ZNF416: variants seen among roughly 807,000 people sequenced by gnomAD.
The protein encoded by ZNF416 is zinc finger protein 416.
In ZNF416, 5 loss-of-function variants were observed where a neutral mutation model predicts 10.9. The observed-to-expected ratio is 0.46, with a 90% CI of 0.24 to 0.97. The LOEUF is 0.97. Among genes scored for constraint, ZNF416 ranks in the 50% least tolerant of loss-of-function variants. ZNF416 has a pLI of 0.19. For synonymous variants in ZNF416, 267 were observed against 251.8 expected (o/e 1.06, Z -0.57); for missense variants, 675 against 715.0 (o/e 0.94, Z 0.64).
intron 2 of ZNF416, among the ~76,000 whole-genome samples, chr19:57,576,967 T>C (rs1978558450): frequency 1.3e-5 from 2 of 150,568 alleles, no homozygotes; most frequent in African/African-American, 4.9e-5. Context: ...CTCTCTCCCA[T>C]ACCTGTCTTT....
chr19:57,573,035 C>A lies in ZNF416; in HGVS notation c.869G>T (p.Arg290Ile), dbSNP rs1978366159. ...SQTSHLNDHR[R>I]IHTGERPYVC... ...ATAAGGCCTTTCTCCAGTGTGGATT[C>A]TCCGATGATCATTCAGATGAGAGGT... Residue 290 changes from arginine to isoleucine, a missense_variant, in exon 4 of 4, where the codon AGA (arginine) becomes ATA (isoleucine). Arg to Ile is a moderately conservative substitution (Grantham distance 97). Transcript: ENST00000196489. The A allele has an allele frequency of 1.7e-5, 27 of 1,614,162 alleles. No individual in the cohort carries two copies. The highest frequency in any genetic ancestry group is 2.2e-5 in the Non-Finnish European group (26 of 1,180,026).
At position 57,572,455 on chromosome 19, in the gene ZNF416, C is replaced by A; in HGVS notation, c.1449G>T (p.Arg483Ser). The change falls in exon 4 of 4, where the codon AGG becomes AGT. Residue 483 changes from arginine (R) to serine (S), a missense_variant. By Grantham distance (110) the Arg-to-Ser change is moderately radical. Coordinates refer to ENST00000196489, the MANE Select transcript of ZNF416 (RefSeq NM_017879.3). The surrounding 1 kb of genome is among the most constrained non-coding windows in gnomAD (Gnocchi z 4.5). The stretch of plus-strand genomic sequence containing the variant: ...TTTCTCCAGTGTGAGTTCTCTGGTG[C>A]CTAACAAGTTTAGATTTGAACATAA... ...KAFMFKSKLV[R>S]HQRTHTGERP... 1 of 1,612,390 alleles carries A rather than the reference C, an allele frequency of 6.2e-7. No homozygotes were observed. Among genetic ancestry groups the A allele is most frequent in the Non-Finnish European group, 8.5e-7 (1 of 1,179,432 alleles).
In ZNF416 at chr19:57,578,091, A is replaced by G. The variant is rs766216765; in HGVS notation, c.41T>C (p.Val14Ala). 30 of 1,614,088 alleles carry G rather than the reference A, an allele frequency of 1.9e-5. 2 individuals are homozygous for G. In the South Asian group the frequency reaches 3.1e-4, roughly 17 times the overall value. ...GCCCATAAGTTTAGCTTCTGCAGTC[A>G]CGGGAACCTGCGGGAAGAGGAAGGC... ...AVLRDSTSVP[V>A]TAEAKLMGFT... The change falls in exon 2 of 4, where the codon GTG becomes GCG. Residue 14 changes from valine (V) to alanine (A), a missense_variant. By Grantham distance (64) the Val-to-Ala change is moderately conservative. Transcript: ENST00000196489.
Position 57,575,815 on chromosome 19 carries a change from A to T in ZNF416, c.191T>A (p.Ile64Lys), listed in dbSNP as rs748987513. Residue 64 changes from isoleucine to lysine, a missense_variant, in exon 3 of 4, where the codon ATA becomes AAA. Ile to Lys is a moderately radical substitution (Grantham distance 102). Coordinates refer to ENST00000196489, the MANE Select transcript of ZNF416 (RefSeq NM_017879.3). The surrounding 1 kb of genome is among the most constrained non-coding windows in gnomAD (Gnocchi z 4.4). ...RDVMLENFAL[I>K]TALVCWHGME... Reference sequence around the variant, plus strand: ...TGTGAGGGCCTTACCCAGCGCAGTTATAAGTGCAAAGTTCTCCAGCATCAC... The same window carrying T: ...TGTGAGGGCCTTACCCAGCGCAGTTTTAAGTGCAAAGTTCTCCAGCATCAC... 1 of 1,614,102 alleles carries T rather than the reference A, an allele frequency of 6.2e-7. No homozygotes were observed. The highest frequency in any genetic ancestry group is 8.5e-7 in the Non-Finnish European group (1 of 1,179,994).
chr19:57,574,599 C>T (rs1325765866), intron 3 of ZNF416, among the ~76,000 whole-genome samples: 1 of 152,156 alleles, frequency 6.6e-6, no homozygotes, highest in East Asian at 1.9e-4. Flanking sequence ...CACAGTATTG[C>T]TTTGAAGCAA....
rs1393155332 is a variant in ZNF416 at position 57,578,728 on chromosome 19, G to A, written c.-24C>T. The A allele has an allele frequency of 2.7e-6, 4 of 1,465,328 alleles. No individual in the cohort carries two copies. The highest frequency in any genetic ancestry group is 2.8e-5 in the East Asian group (1 of 35,918). The allele number at this position is 1,465,328 out of a possible 1,614,324, so 90.8% of individuals were successfully genotyped here. A position where few individuals can be genotyped will look rare whatever the true frequency, so the allele number is the denominator to read the frequency against. ...ATCGGATTGTGAGCGGAGCGGGGCCGGGAGCGGCGGGCGACCCGGGGCGGG... is the reference window on the plus strand; with the variant it reads ...ATCGGATTGTGAGCGGAGCGGGGCCAGGAGCGGCGGGCGACCCGGGGCGGG... On this transcript the variant is annotated 5_prime_UTR_variant, in exon 1 of 4. Transcript: ENST00000196489.
chr19:57,572,428 C>T lies in ZNF416; in HGVS notation c.1476G>A (p.Arg492=), dbSNP rs2090198900. 2 of 1,614,098 alleles carry T rather than the reference C, an allele frequency of 1.2e-6. No individual in the cohort carries two copies. Among genetic ancestry groups the T allele is most frequent in the Admixed American group, 3.3e-5 (2 of 60,008 alleles). ...TCCCACATTCACTGCACTCAAAAGG[C>T]CTTTCTCCAGTGTGAGTTCTCTGGT... ...VRHQRTHTGE[R]PFECSECGKF... is the part of the protein sequence containing the mutation. The change falls in exon 4 of 4, where the codon AGG becomes AGA. Residue 492 remains arginine (R), a synonymous_variant. Coordinates refer to ENST00000196489, the MANE Select transcript of ZNF416 (RefSeq NM_017879.3). This position sits in a 1 kb window ranked among gnomAD's most constrained non-coding sequence, Gnocchi z 4.5.
Position 57,575,975 on chromosome 19 carries a change from A to G in ZNF416, c.76-45T>C. Reference sequence around the variant, plus strand: ...TCTTTCCATGATCAGATTCTCTCCTAGGACCCCAAGTTCATGCCCCCCACA... The same window carrying G: ...TCTTTCCATGATCAGATTCTCTCCTGGGACCCCAAGTTCATGCCCCCCACA... On this transcript the variant is annotated intron_variant, in intron 2 of 3. Transcript: ENST00000196489. This position sits in a 1 kb window ranked among gnomAD's most constrained non-coding sequence, Gnocchi z 4.4. 1 of 1,595,038 alleles carries G rather than the reference A, an allele frequency of 6.3e-7. No individual in the cohort carries two copies. The highest frequency in any genetic ancestry group is 8.6e-7 in the Non-Finnish European group (1 of 1,168,876).
chr19:57,575,704 A>G lies in ZNF416; in HGVS notation c.202+100T>C, dbSNP rs1365850019. On this transcript the variant is annotated intron_variant, in intron 3 of 3. Coordinates refer to ENST00000196489, the MANE Select transcript of ZNF416 (RefSeq NM_017879.3). This position sits in a 1 kb window ranked among gnomAD's most constrained non-coding sequence, Gnocchi z 4.4. ...TACACCACAGCACATACGCCAAGAC[A>G]GTGGGGAAGTCAGCAAAGCCCACGG... 2 of 1,487,772 alleles carry G rather than the reference A, an allele frequency of 1.3e-6. No individual in the cohort carries two copies. Among genetic ancestry groups the G allele is most frequent in the African/African-American group, 2.8e-5 (2 of 72,344 alleles). The allele number at this position is 1,487,772 out of a possible 1,614,324, so 92.2% of individuals were successfully genotyped here.
chr19:57,571,850 T>C lies in ZNF416; in HGVS notation c.*269A>G. 2.5e-6 allele frequency: 1 copy of C among 407,718 alleles called. No homozygotes were observed. The allele number at this position is 407,718 out of a possible 1,614,324, so 25.3% of individuals were successfully genotyped here. A position where few individuals can be genotyped will look rare whatever the true frequency, so the allele number is the denominator to read the frequency against. On this transcript the variant is annotated 3_prime_UTR_variant, in exon 4 of 4. Transcript: ENST00000196489. ...CCTCCAAGGGTTGGGAGAACACAGG[T>C]GTATCTGCCTCGCCTTAGTATGCAA...
In ZNF416 at chr19:57,572,519, G is replaced by A. The variant is rs915970808; in HGVS notation, c.1385C>T (p.Ala462Val). The A allele has an allele frequency of 6.2e-7, 1 of 1,613,228 alleles. No homozygotes were observed. The highest frequency in any genetic ancestry group is 8.5e-7 in the Non-Finnish European group (1 of 1,179,782). ...TTCCCCACATACATAAGGCCTTTCTGCAGTGTGAACTTTGTGGTGTTTATT... is the reference window on the plus strand; with the variant it reads ...TTCCCCACATACATAAGGCCTTTCTACAGTGTGAACTTTGTGGTGTTTATT... The part of the protein sequence containing the change: ...TLNKHHKVHT[A>V]ERPYVCGECG... The change falls in exon 4 of 4, where the codon GCA (alanine) becomes GTA (valine). Residue 462 changes from alanine (A) to valine (V), a missense_variant. Ala to Val is a moderately conservative substitution (Grantham distance 64, BLOSUM62 0). Transcript: ENST00000196489. This position sits in a 1 kb window ranked among gnomAD's most constrained non-coding sequence, Gnocchi z 4.5.
chr19:57,573,246 A>C lies in ZNF416; in HGVS notation c.658T>G (p.Cys220Gly), dbSNP rs749780409. The change falls in exon 4 of 4, where the codon TGC becomes GGC. Residue 220 changes from cysteine to glycine, a missense_variant. Cys to Gly is a radical substitution (Grantham distance 159, BLOSUM62 -3). Coordinates refer to ENST00000196489, the MANE Select transcript of ZNF416 (RefSeq NM_017879.3). ...VGISHYKWSQ[C>G]RRESSHKHTF... ...TGTTTGTGGCTGGACTCTCTCCTGC[A>C]TTGACTCCACTTGTAATGACTTATT... is the stretch of plus-strand genomic sequence containing the variant. The C allele has an allele frequency of 1.2e-6, 2 of 1,614,256 alleles. No homozygotes were observed. Among genetic ancestry groups the C allele is most frequent in the Non-Finnish European group, 1.7e-6 (2 of 1,180,048 alleles).
At chr19:57,574,418 G>A (rs775041790) in intron 3 of ZNF416, among the ~76,000 whole-genome samples, 1 of 152,148 alleles carries the variant, frequency 6.6e-6, no homozygotes, top group East Asian at 1.9e-4. Flanking sequence ...TTCCTCATGT[G>A]GCCCTGCATG....
At position 57,572,343 on chromosome 19, in the gene ZNF416, G is replaced by A. The variant is rs543250032; in HGVS notation, c.1561C>T (p.Pro521Ser). ...EHQKIHTGLR[P>S]YDCGQCGKSF... ...TTCCCGCACTGTCCACAGTCGTAAG[G>A]CCTTAATCCAGTGTGAATTTTCTGG... The change falls in exon 4 of 4, where the codon CCT becomes TCT. Residue 521 changes from proline to serine, a missense_variant. Physicochemically the swap from Pro to Ser is moderately conservative, Grantham distance 74 (BLOSUM62 -1). Coordinates refer to ENST00000196489, the MANE Select transcript of ZNF416 (RefSeq NM_017879.3). This position sits in a 1 kb window ranked among gnomAD's most constrained non-coding sequence, Gnocchi z 4.5. 6.2e-7 allele frequency: 1 copy of A among 1,614,186 alleles called. No homozygotes were observed. Among genetic ancestry groups the A allele is most frequent in the South Asian group, 1.1e-5 (1 of 91,082 alleles).
rs1439091991 is a variant in ZNF416, at chr19:57,573,704, G to A, written c.203-3C>T. On this transcript the variant is annotated splice_region_variant and splice_polypyrimidine_tract_variant and intron_variant, in intron 3 of 3. Transcript: ENST00000196489. ...ATCCTCCATCCCATGCCAACAAACT[G>A]AAAGCAGAGAAACACTGATGAAATG... The A allele has an allele frequency of 1.2e-6, 2 of 1,605,360 alleles. No homozygotes were observed. Among genetic ancestry groups the A allele is most frequent in the Non-Finnish European group, 1.7e-6 (2 of 1,173,742 alleles).
Position 57,578,861 on chromosome 19 carries a change from C to T in ZNF416, c.-157G>A. 1.5e-6 allele frequency: 1 copy of T among 678,520 alleles called. No homozygotes were observed. The highest frequency in any genetic ancestry group is 3.3e-5 in the South Asian group (1 of 29,880). The allele number at this position is 678,520 out of a possible 1,614,324, so 42.0% of individuals were successfully genotyped here. A position where few individuals can be genotyped will look rare whatever the true frequency, so the allele number is the denominator to read the frequency against. Reference sequence around the variant, plus strand: ...CGTTTCTAACTCAGGCGGCGTGGGCCGAGGTAGAGAACCACCAAAATTACC... The same window carrying T: ...CGTTTCTAACTCAGGCGGCGTGGGCTGAGGTAGAGAACCACCAAAATTACC... On this transcript the variant is annotated 5_prime_UTR_variant, in exon 1 of 4. Transcript: ENST00000196489.
At chr19:57,574,568 A>G (rs1568607554) in intron 3 of ZNF416, among the ~76,000 whole-genome samples, 4 of 152,232 alleles carry the variant, frequency 2.6e-5, no homozygotes, top group African/African-American at 9.6e-5. Context: ...GCACCTTCAC[A>G]TATACATCAA....
At chr19:57,578,589 G>A (rs1302390906) in intron 1 of ZNF416, 83 bp downstream of exon 1, 1 of 1,414,562 alleles carries the variant, frequency 7.1e-7, no homozygotes. Flanking sequence ...TCGGGCTGCA[G>A]GGACGCAAGC....
chr19:57,578,128 G>A (rs1051228444), intron 1 of ZNF416, 30 bp from the exon 2 acceptor site: 1 of 1,613,686 alleles, frequency 6.2e-7, no homozygotes, highest in South Asian at 1.1e-5. Context: ...ATGAGAGGCA[G>A]GTAACTATGG....
Sources: gnomAD v4.1 joint callset for allele counts (sites outside exome capture counted in the v4.1 genomes callset) on GRCh38, gnomAD v4.1.1 for gene constraint, Gnocchi (gnomAD v3.1) non-coding constraint, MANE v1.5 for transcripts, NCBI Gene and HGNC (gene_info 2026-07-23, HGNC 2026-07-21) for gene names.